The following GABRB3 variants were observed in gnomAD, a reference collection of about 807,000 sequenced individuals.
GABRB3 encodes the protein gamma-aminobutyric acid type A receptor subunit beta3.
Under a neutral mutation model 52.1 loss-of-function variants are expected in GABRB3, and 14 were observed. The observed-to-expected ratio is 0.27, with a 90% CI of 0.18 to 0.42. GABRB3 has a LOEUF of 0.42. Ranked by LOEUF, GABRB3 falls within the 10% of genes least tolerant of loss-of-function variation. The pLI, the probability that GABRB3 is intolerant of heterozygous loss-of-function variation, is 1.00. For synonymous variants in GABRB3, 260 were observed against 232.3 expected (o/e 1.12, Z -1.08); for missense variants, 307 against 609.1 (o/e 0.50, Z 5.22).
intron 3 of GABRB3, among the ~76,000 whole-genome samples, chr15:26,640,980 T>C (rs1001405889): frequency 1.7e-4 from 26 of 152,236 alleles, no homozygotes; most frequent in African/African-American, 5.8e-4. Flanking sequence ...CCTTTAAAAC[T>C]GTGAAACTGT....
At position 26,646,882 on chromosome 15, in the gene GABRB3, C is replaced by T. The variant is rs189299629; in HGVS notation, c.241-25348G>A. Among the ~76,000 whole-genome samples, 411 of 152,224 alleles carry T rather than the reference C, an allele frequency of 2.7e-3. 4 individuals carry two copies. Among genetic ancestry groups the T allele is most frequent in the African/African-American group, 9.3e-3 (386 of 41,536 alleles). ...TTTTTGAGATGGAGTCTTGCTCTGT[C>T]GCCCAGGCTGGAGTGCAGTGGTGCG... On this transcript the variant is annotated intron_variant, in intron 3 of 8. Coordinates refer to ENST00000311550, the MANE Select transcript of GABRB3 (RefSeq NM_000814.6).
At chr15:26,680,919 G>C (rs1445597032) in intron 3 of GABRB3, among the ~76,000 whole-genome samples, 1 of 152,102 alleles carries the variant, frequency 6.6e-6, no homozygotes, top group Non-Finnish European at 1.5e-5. Context: ...TATGCTGCTT[G>C]CTAGAAAAAA....
intron 3 of GABRB3, among the ~76,000 whole-genome samples, chr15:26,755,207 AT>A (rs1184383646): frequency 1.3e-5 from 2 of 151,774 alleles, no homozygotes; most frequent in Non-Finnish European, 2.9e-5. Flanking sequence ...GGGTTTCACC[AT>A]GTTGGCCAGG....
intron 7 of GABRB3, among the ~76,000 whole-genome samples, chr15:26,566,044 AATATACG>A (rs1423005231): frequency 6.6e-6 from 1 of 152,230 alleles, no homozygotes; most frequent in African/African-American, 2.4e-5. Context: ...GTAATCTAGC[AATATACG>A]TATTTTTAAA....
intron 3 of GABRB3, among the ~76,000 whole-genome samples, chr15:26,628,738 C>G (rs1468937949): frequency 1.3e-5 from 2 of 152,158 alleles, no homozygotes; most frequent in Non-Finnish European, 2.9e-5. Context: ...CGCCACAGGG[C>G]TAGGCAGAGG....
At chr15:26,752,414 C>CA (rs1775050792) in intron 3 of GABRB3, among the ~76,000 whole-genome samples, 1 of 151,898 alleles carries the variant, frequency 6.6e-6, no homozygotes, top group South Asian at 2.1e-4. Context: ...CAGGTGCTCA[C>CA]CACCACACCC....
chr15:26,557,234 T>C (rs1358473372), intron 8 of GABRB3, among the ~76,000 whole-genome samples: 7 of 152,072 alleles, frequency 4.6e-5, no homozygotes, highest in East Asian at 3.9e-4. Context: ...TGAGTATGAA[T>C]GGACGAAAAA....
chr15:26,580,487 CAT>C, intron 5 of GABRB3, 31 bp from the exon 6 acceptor site: 1 of 1,614,048 alleles, frequency 6.2e-7, no homozygotes, highest in Non-Finnish European at 8.5e-7. Context: ...AGACAGCAAA[CAT>C]CACCATTTCG....
rs141614810 is a variant in GABRB3, at chr15:26,751,846, T to C, written c.240+20556A>G. Among the ~76,000 whole-genome samples the C allele has an allele frequency of 5.1e-4, 77 of 152,076 alleles. 1 individual carries two copies. In the East Asian group the frequency reaches 0.01, roughly 20 times the overall value. On this transcript the variant is annotated intron_variant, in intron 3 of 8. Transcript: ENST00000311550. Reference sequence around the variant, plus strand: ...AAAAAGCCATGTTCTTGCACCACACTAGTAAAGTAGAAACCTTACATGCAT... The same window carrying C: ...AAAAAGCCATGTTCTTGCACCACACCAGTAAAGTAGAAACCTTACATGCAT...
At chr15:26,598,542 T>C (rs1468211398) in intron 4 of GABRB3, among the ~76,000 whole-genome samples, 2 of 152,086 alleles carry the variant, frequency 1.3e-5, no homozygotes, top group African/African-American at 4.8e-5. Flanking sequence ...AAATCCAAAT[T>C]AGAAGAGTAA....
chr15:26,579,101 G>T (rs1386385281), intron 6 of GABRB3, among the ~76,000 whole-genome samples: 1 of 152,164 alleles, frequency 6.6e-6, no homozygotes, highest in Non-Finnish European at 1.5e-5. Context: ...GGGGTGGAGA[G>T]GAGGGAACGT....
intron 4 of GABRB3, among the ~76,000 whole-genome samples, chr15:26,617,741 G>A (rs61998694): frequency 1.4e-5 from 2 of 143,858 alleles, no homozygotes; most frequent in East Asian, 2.0e-4. Context: ...GTTTGCAGAC[G>A]ACATGATTAT....
intron 4 of GABRB3, among the ~76,000 whole-genome samples, chr15:26,605,418 C>A (rs907048639): frequency 6.6e-6 from 1 of 152,138 alleles, no homozygotes; most frequent in African/African-American, 2.4e-5. Flanking sequence ...TCGGTATACA[C>A]CCAACAGGTG....
chr15:26,679,869 G>A (rs954285843), intron 3 of GABRB3, among the ~76,000 whole-genome samples: 2 of 152,202 alleles, frequency 1.3e-5, no homozygotes, highest in African/African-American at 4.8e-5. Flanking sequence ...TGGAGAGACT[G>A]AGCCCTGATC....
chr15:26,599,468 T>G (rs776630398), intron 4 of GABRB3, among the ~76,000 whole-genome samples: 2 of 152,202 alleles, frequency 1.3e-5, no homozygotes, highest in Non-Finnish European at 2.9e-5. Flanking sequence ...AGCCAGGGAA[T>G]ACAGTCCATA....
chr15:26,547,822 A>T lies in GABRB3; in HGVS notation c.1393T>A (p.Leu465Ile). 6.2e-7 allele frequency: 1 copy of T among 1,614,014 alleles called. No homozygotes were observed. Among genetic ancestry groups the T allele is most frequent in the African/African-American group, 1.3e-5 (1 of 75,052 alleles). ...TTAACATAGTACAGCCAGTAAACTA[A>T]GTTGAAAAGAGAAAAAGTGAATGGA... ...VFPFTFSLFN[L>I]VYWLYYVN The change falls in exon 9 of 9, where the codon TTA (leucine) becomes ATA (isoleucine). Residue 465 changes from leucine to isoleucine, a missense_variant. By Grantham distance (5) the Leu-to-Ile change is conservative. Coordinates refer to ENST00000311550, the MANE Select transcript of GABRB3 (RefSeq NM_000814.6).
At chr15:26,650,762 C>T (rs1887171293) in intron 3 of GABRB3, among the ~76,000 whole-genome samples, 1 of 152,058 alleles carries the variant, frequency 6.6e-6, no homozygotes, top group African/African-American at 2.4e-5. Context: ...TGCATGCTCA[C>T]AAACCAATCA....
intron 3 of GABRB3, among the ~76,000 whole-genome samples, chr15:26,667,755 C>T (rs1863462): frequency 0.12 from 18,417 of 152,092 alleles, 2,011 homozygotes; most frequent in African/African-American, 0.29. Flanking sequence ...TGGGCCTCAT[C>T]CCAGACCAGT....
intron 3 of GABRB3, 186 bp downstream of exon 3, chr15:26,772,216 G>A: frequency 2.0e-6 from 1 of 504,678 alleles, no homozygotes; most frequent in South Asian, 2.9e-5. Context: ...CCAGGCCCCC[G>A]AGCGCCCGGG....
Sources: allele counts gnomAD v4.1 joint callset (sites outside exome capture counted in the v4.1 genomes callset), GRCh38; gene constraint gnomAD v4.1.1; transcripts MANE v1.5; gene names NCBI Gene and HGNC (gene_info 2026-07-23, HGNC 2026-07-21).